PPP4R4: variants seen among roughly 807,000 people sequenced by gnomAD.
The protein encoded by PPP4R4 is protein phosphatase 4 regulatory subunit 4, also known as serine/threonine-protein phosphatase 4 regulatory subunit 4.
A neutral mutation model predicts 121.8 loss-of-function variants in PPP4R4; 70 were observed. That is an observed-to-expected ratio of 0.57 (90% CI 0.47 to 0.70). The LOEUF is 0.70. Among genes scored for constraint, PPP4R4 ranks in the 30% least tolerant of loss-of-function variants. The probability of loss-of-function intolerance (pLI) is 0.00; values close to 1 mark genes in which losing one functional copy is unlikely to be tolerated. For synonymous variants in PPP4R4, 348 were observed against 355.7 expected, an observed-to-expected ratio of 0.98 and a Z score of 0.24; for missense variants, 875 against 1,033.6, an observed-to-expected ratio of 0.85 and a Z score of 2.10.
intron 2 of PPP4R4, among the ~76,000 whole-genome samples, chr14:94,185,203 T>C (rs113321425): frequency 0.012 from 1,876 of 152,216 alleles, 48 homozygotes; most frequent in African/African-American, 0.042. Flanking sequence ...AGTTCCCTAA[T>C]GTAAAATGGG....
intron 2 of PPP4R4, among the ~76,000 whole-genome samples, chr14:94,182,548 CT>C (rs899005950): frequency 3.3e-5 from 5 of 152,122 alleles, no homozygotes; most frequent in Admixed American, 3.3e-4. Flanking sequence ...TGTATAGCTG[CT>C]TTTGCTCAAT....
chr14:94,230,161 ATGT>A (rs1202447450), intron 3 of PPP4R4, among the ~76,000 whole-genome samples: 1 of 152,176 alleles, frequency 6.6e-6, no homozygotes, highest in Non-Finnish European at 1.5e-5. Flanking sequence ...AGAATGTATG[ATGT>A]TTATTTTTTG....
chr14:94,201,532 T>G (rs568197721), intron 2 of PPP4R4, among the ~76,000 whole-genome samples: 28 of 152,298 alleles, frequency 1.8e-4, no homozygotes, highest in Admixed American at 5.2e-4. Context: ...GATTGTGATA[T>G]TTCACTGTTG....
chr14:94,246,559 T>A lies in PPP4R4; in HGVS notation c.1611+20T>A. On this transcript the variant is annotated intron_variant, in intron 14 of 24. Transcript: ENST00000304338. ...ACAAATGTGAGCTCAGTACCTTTCA[T>A]CTTATTCTTTTGAACTCATGGTTGG... The A allele has an allele frequency of 6.3e-7, 1 of 1,586,912 alleles. No individual in the cohort carries two copies.
At chr14:94,207,078 G>A (rs1024856201) in intron 2 of PPP4R4, among the ~76,000 whole-genome samples, 1 of 151,824 alleles carries the variant, frequency 6.6e-6, no homozygotes. Flanking sequence ...TTGGATTTAG[G>A]GCCTAGATAG....
rs956159978 is a variant in PPP4R4, at chr14:94,233,255, G to A, written c.517-398G>A. The stretch of plus-strand genomic sequence containing the variant: ...AATTATTTAATAGGATTTATTTGAA[G>A]CTATAATGTTTTTCATCCCATTAGG... On this transcript the variant is annotated intron_variant, in intron 5 of 24. Transcript: ENST00000304338. 2.0e-5 allele frequency among the ~76,000 whole-genome samples: 3 copies of A among 152,070 alleles called. No individual in the cohort carries two copies. The East Asian group carries it at 5.8e-4, about 29-fold the overall frequency.
At chr14:94,272,338 C>T (rs1191984717) in intron 23 of PPP4R4, among the ~76,000 whole-genome samples, 4 of 152,092 alleles carry the variant, frequency 2.6e-5, no homozygotes, top group Non-Finnish European at 4.4e-5. Context: ...GAATAGGAAG[C>T]CCAGAAATAG....
chr14:94,269,678 AAAACAAAC>A (rs1165288135), intron 23 of PPP4R4, among the ~76,000 whole-genome samples: 1 of 152,008 alleles, frequency 6.6e-6, no homozygotes, highest in African/African-American at 2.4e-5. Context: ...AACAAAAACA[AAAACAAAC>A]AAACAAACAA....
chr14:94,219,258 T>A (rs1285853145), intron 3 of PPP4R4, among the ~76,000 whole-genome samples: 1 of 151,920 alleles, frequency 6.6e-6, no homozygotes, highest in Non-Finnish European at 1.5e-5. Context: ...ATGTTTTTAG[T>A]AGAGACAGGG....
intron 6 of PPP4R4, 73 bp downstream of exon 6, chr14:94,233,832 A>G: frequency 1.0e-6 from 1 of 1,002,286 alleles, no homozygotes; most frequent in Non-Finnish European, 1.5e-6. Flanking sequence ...GTGTAACAAT[A>G]TATTTGTGTT....
chr14:94,237,754 AG>A (rs1413793166), intron 8 of PPP4R4, 68 bp downstream of exon 8: 21 of 1,520,832 alleles, frequency 1.4e-5, no homozygotes, highest in Non-Finnish European at 1.8e-5. Flanking sequence ...GTCACTAATA[AG>A]GAATAAAAGT....
In PPP4R4 at chr14:94,257,642, TACACACACACAC is replaced by T. The variant is rs57997995; in HGVS notation, c.2010+1061_2010+1072del. Reference sequence around the variant, plus strand: ...GTAGAGTTGCACATGCATTTAAATCTACACACACACACACACACACACACACACACACACTTG... The same window carrying T: ...GTAGAGTTGCACATGCATTTAAATCTACACACACACACACACACACACTTG... On this transcript the variant is annotated intron_variant, in intron 17 of 24. Coordinates refer to ENST00000304338, the MANE Select transcript of PPP4R4 (RefSeq NM_058237.2). Among the ~76,000 whole-genome samples, 10 of 146,982 alleles carry T rather than the reference TACACACACACAC, an allele frequency of 6.8e-5. No homozygotes were observed. The East Asian group carries it at 1.2e-3, about 17-fold the overall frequency.
intron 24 of PPP4R4, among the ~76,000 whole-genome samples, chr14:94,276,124 A>C (rs903612859): frequency 3.9e-5 from 6 of 152,232 alleles, no homozygotes; most frequent in African/African-American, 1.4e-4. Flanking sequence ...CACCATGATA[A>C]GAGACTATAT....
intron 3 of PPP4R4, among the ~76,000 whole-genome samples, chr14:94,218,826 AC>A (rs2139486194): frequency 6.6e-6 from 1 of 152,274 alleles, no homozygotes; most frequent in African/African-American, 2.4e-5. Flanking sequence ...GTAGCCAGAG[AC>A]AAAGGTGACA....
intron 2 of PPP4R4, among the ~76,000 whole-genome samples, chr14:94,197,982 C>A (rs1889974787): frequency 6.6e-6 from 1 of 152,088 alleles, no homozygotes; most frequent in Non-Finnish European, 1.5e-5. Context: ...GTATTACAAA[C>A]AAAGCTGCTA....
chr14:94,187,622 GT>G (rs1286140420), intron 2 of PPP4R4, among the ~76,000 whole-genome samples: 1 of 150,204 alleles, frequency 6.7e-6, no homozygotes, highest in Non-Finnish European at 1.5e-5. Flanking sequence ...GATTTCACTA[GT>G]TTTTTCACTT....
In PPP4R4 at chr14:94,258,836, C is replaced by T; in HGVS notation, c.2052+12C>T. The T allele has an allele frequency of 6.3e-7, 1 of 1,579,250 alleles. No homozygotes were observed. Among genetic ancestry groups the T allele is most frequent in the Non-Finnish European group, 8.7e-7 (1 of 1,149,896 alleles). On this transcript the variant is annotated intron_variant, in intron 18 of 24. Transcript: ENST00000304338. The stretch of plus-strand genomic sequence containing the variant: ...TGTCTATGGATGCTGTAAGTATACT[C>T]TCTTTACCTTATTGTGTTGGTCCAT...
chr14:94,185,626 G>A (rs1889232117), intron 2 of PPP4R4, among the ~76,000 whole-genome samples: 1 of 152,192 alleles, frequency 6.6e-6, no homozygotes, highest in South Asian at 2.1e-4. Context: ...TTCAGTAAAG[G>A]ATAGTTGTTG....
intron 3 of PPP4R4, among the ~76,000 whole-genome samples, chr14:94,226,459 C>G (rs767340108): frequency 1.1e-4 from 17 of 151,990 alleles, no homozygotes; most frequent in Non-Finnish European, 2.1e-4. Flanking sequence ...CTCATCTAGT[C>G]CTTTACACCC....
Sources: gnomAD v4.1 joint callset for allele counts (sites outside exome capture counted in the v4.1 genomes callset) on GRCh38, gnomAD v4.1.1 for gene constraint, MANE v1.5 for transcripts, NCBI Gene and HGNC (gene_info 2026-07-23, HGNC 2026-07-21) for gene names.